ANK1: variants seen among roughly 807,000 people sequenced by gnomAD.
The protein encoded by ANK1 is ankyrin 1.
In ANK1, 51 loss-of-function variants were observed where a neutral mutation model predicts 210.4. That is an observed-to-expected ratio of 0.24 (90% CI 0.19 to 0.31). ANK1 has a LOEUF of 0.31. Ranked by LOEUF, ANK1 falls within the 10% of genes least tolerant of loss-of-function variation. The pLI, the probability that ANK1 is intolerant of heterozygous loss-of-function variation, is 1.00. For synonymous variants in ANK1, 967 were observed against 1,025.9 expected (o/e 0.94, Z 1.10); for missense variants, 2,051 against 2,504.4 (o/e 0.82, Z 3.86).
intron 4 of ANK1, 59 bp from the exon 5 acceptor site, chr8:41,727,407 C>G: frequency 8.3e-7 from 1 of 1,204,194 alleles, no homozygotes; most frequent in Non-Finnish European, 1.2e-6. Context: ...AGGCCTACAC[C>G]AGCACAACGT....
chr8:41,834,589 G>A (rs1807275217), intron 1 of ANK1, among the ~76,000 whole-genome samples: 1 of 152,236 alleles, frequency 6.6e-6, no homozygotes, highest in South Asian at 2.1e-4. Flanking sequence ...CACAGGTGCG[G>A]CTGGACCTGG....
At chr8:41,693,310 T>C (rs1819807376) in intron 29 of ANK1, 109 bp from the exon 30 acceptor site, 1 of 1,010,862 alleles carries the variant, frequency 9.9e-7, no homozygotes, top group Non-Finnish European at 1.5e-6. Context: ...TGAAGCTCAC[T>C]TTGTCTGCAG....
At chr8:41,865,162 C>T (rs957872169) in intron 1 of ANK1, among the ~76,000 whole-genome samples, 5 of 152,328 alleles carry the variant, frequency 3.3e-5, no homozygotes, top group Middle Eastern at 3.4e-3. Context: ...CATGAGCTCC[C>T]ACTGACTCAC....
intron 2 of ANK1, among the ~76,000 whole-genome samples, chr8:41,738,424 T>C (rs1176352636): frequency 2.0e-5 from 3 of 152,202 alleles, no homozygotes; most frequent in African/African-American, 7.2e-5. Flanking sequence ...CGGAAGTTGC[T>C]GAACACCTGA....
At chr8:41,713,061 C>G (rs1466615661) in intron 16 of ANK1, among the ~76,000 whole-genome samples, 1 of 152,174 alleles carries the variant, frequency 6.6e-6, no homozygotes, top group Non-Finnish European at 1.5e-5. Context: ...AGGGAGAACG[C>G]GCCGAAGCCC....
intron 2 of ANK1, among the ~76,000 whole-genome samples, chr8:41,749,892 G>A (rs112009120): frequency 1.8e-4 from 27 of 152,064 alleles, no homozygotes; most frequent in African/African-American, 5.8e-4. Flanking sequence ...GATTACAGGC[G>A]TGAGCCACCA....
At chr8:41,708,064 G>A (rs72612139) in intron 17 of ANK1, among the ~76,000 whole-genome samples, 27,498 of 152,100 alleles carry the variant, frequency 0.18, 3,068 homozygotes, top group Middle Eastern at 0.3. Flanking sequence ...GTTTCCTTTC[G>A]GAGTGATGAA....
At chr8:41,865,487 G>T (rs1013840809) in intron 1 of ANK1, among the ~76,000 whole-genome samples, 1 of 151,980 alleles carries the variant, frequency 6.6e-6, no homozygotes, top group Non-Finnish European at 1.5e-5. Context: ...GTGCTCCGAG[G>T]CCTCCCAGAT....
intron 1 of ANK1, among the ~76,000 whole-genome samples, chr8:41,763,889 C>CTTTTTTT (rs869100297): frequency 0.022 from 1,266 of 57,798 alleles, 4 homozygotes; most frequent in Non-Finnish European, 0.029. Context: ...TTCTTTTTTT[C>CTTTTTTT]TTTTTTTTTT....
chr8:41,726,919 C>T (rs778424020), intron 5 of ANK1, among the ~76,000 whole-genome samples: 2 of 152,180 alleles, frequency 1.3e-5, no homozygotes, highest in African/African-American at 2.4e-5. Context: ...TGGCAAGAGC[C>T]TTTCTCATTA....
intron 1 of ANK1, among the ~76,000 whole-genome samples, chr8:41,857,186 T>G (rs976178665): frequency 2.0e-5 from 3 of 151,690 alleles, no homozygotes; most frequent in African/African-American, 7.3e-5. Context: ...GGCATCTTTT[T>G]TTTTTTTTTC....
At chr8:41,785,582 G>T (rs1372920691) in intron 1 of ANK1, among the ~76,000 whole-genome samples, 1 of 152,128 alleles carries the variant, frequency 6.6e-6, no homozygotes, top group African/African-American at 2.4e-5. Context: ...CTGCCTGCAT[G>T]GTTCTTAGAT....
chr8:41,834,937 G>T (rs930613177), intron 1 of ANK1, among the ~76,000 whole-genome samples: 1 of 152,220 alleles, frequency 6.6e-6, no homozygotes, highest in Admixed American at 6.5e-5. Flanking sequence ...GATCATCCCC[G>T]CTGCCCGGGA....
At chr8:41,786,081 A>G (rs1046594542) in intron 1 of ANK1, among the ~76,000 whole-genome samples, 1 of 152,096 alleles carries the variant, frequency 6.6e-6, no homozygotes, top group African/African-American at 2.4e-5. Context: ...CGAGTTTCCA[A>G]AGCATTGTAT....
chr8:41,896,214 C>T, intron 1 of ANK1: 2 of 1,249,296 alleles, frequency 1.6e-6, no homozygotes, highest in Non-Finnish European at 2.1e-6. Flanking sequence ...CTACGCCCAC[C>T]GAGCCTTCCC....
At chr8:41,884,557 G>A (rs1350610736) in intron 1 of ANK1, among the ~76,000 whole-genome samples, 3 of 151,888 alleles carry the variant, frequency 2.0e-5, no homozygotes, top group Admixed American at 6.6e-5. Flanking sequence ...AGTAGAGGCC[G>A]AGCACCGCGG....
chr8:41,723,510 G>T (rs1829839352), intron 8 of ANK1, 25 bp downstream of exon 8: 3 of 1,612,740 alleles, frequency 1.9e-6, no homozygotes, highest in Non-Finnish European at 2.5e-6. Context: ...CCCCCTGCCT[G>T]GCTACAGCAC....
chr8:41,753,125 C>T (rs7009778), intron 2 of ANK1, among the ~76,000 whole-genome samples: 73,704 of 146,458 alleles, frequency 0.5, 19,376 homozygotes, highest in Middle Eastern at 0.65. Context: ...TGCAGTGGCT[C>T]GATCTCGGCT....
intron 1 of ANK1, among the ~76,000 whole-genome samples, chr8:41,762,624 C>G (rs962410593): frequency 2.0e-5 from 3 of 152,178 alleles, no homozygotes; most frequent in African/African-American, 7.2e-5. Context: ...AAGCTGTTGG[C>G]TCTCCAGGCA....
Sources: gnomAD v4.1 joint callset for allele counts (sites outside exome capture counted in the v4.1 genomes callset) on GRCh38, gnomAD v4.1.1 for gene constraint, MANE v1.5 for transcripts, NCBI Gene and HGNC (gene_info 2026-07-23, HGNC 2026-07-21) for gene names.